HIPK2: variants seen among roughly 807,000 people sequenced by gnomAD.
HIPK2 encodes the protein homeodomain-interacting protein kinase 2.
HIPK2 carries 27 observed loss-of-function variants against 113.7 expected under a neutral mutation model. The observed-to-expected ratio is 0.24, with a 90% CI of 0.17 to 0.33. The LOEUF is 0.33. Among genes scored for constraint, HIPK2 ranks in the 10% least tolerant of loss-of-function variants. The probability of loss-of-function intolerance (pLI) is 1.00; values close to 1 mark genes in which losing one functional copy is unlikely to be tolerated. For missense variants in HIPK2, 1,257 were observed against 1,588.0 expected (o/e 0.79, Z 3.54); for synonymous variants, 631 against 642.2 (o/e 0.98, Z 0.26).
chr7:139,755,846 G>A (rs766722602), intron 1 of HIPK2, among the ~76,000 whole-genome samples: 2 of 152,202 alleles, frequency 1.3e-5, no homozygotes, highest in African/African-American at 4.8e-5. Context: ...CCATTGATTC[G>A]AGTTGCACCA....
In HIPK2 at chr7:139,569,184, G is replaced by C. The variant is rs543530892; in HGVS notation, c.*3743C>G. The C allele has an allele frequency of 3.3e-5, 5 of 152,372 alleles. No individual in the cohort carries two copies. In the East Asian group the frequency reaches 9.7e-4, roughly 29 times the overall value. The allele number at this position is 152,372 out of a possible 1,614,324, so 9.4% of individuals were successfully genotyped here. A position where few individuals can be genotyped will look rare whatever the true frequency, so the allele number is the denominator to read the frequency against. On this transcript the variant is annotated 3_prime_UTR_variant, in exon 15 of 15. Coordinates refer to ENST00000406875, the MANE Select transcript of HIPK2 (RefSeq NM_022740.5). ...TCCAGCTGGCTAGAATTGGGTGCTGGGGGCATGCATCACAGGGGGAGGGGG... is the reference window on the plus strand; with the variant it reads ...TCCAGCTGGCTAGAATTGGGTGCTGCGGGCATGCATCACAGGGGGAGGGGG...
intron 6 of HIPK2, 21 bp downstream of exon 6, chr7:139,626,580 A>T: frequency 6.2e-7 from 1 of 1,606,854 alleles, no homozygotes; most frequent in African/African-American, 1.3e-5. Context: ...CCTGGTACGA[A>T]GCATCAGGCA....
intron 1 of HIPK2, among the ~76,000 whole-genome samples, chr7:139,729,449 G>C (rs1037412518): frequency 6.6e-6 from 1 of 151,956 alleles, no homozygotes; most frequent in African/African-American, 2.4e-5. Context: ...GTGTGTCTGA[G>C]GCAGAACCTA....
intron 1 of HIPK2, among the ~76,000 whole-genome samples, chr7:139,752,084 G>A (rs898847231): frequency 6.6e-6 from 1 of 152,180 alleles, no homozygotes; most frequent in African/African-American, 2.4e-5. Flanking sequence ...AATTGTAACT[G>A]CTCTCAGGCC....
At chr7:139,770,685 G>A (rs921406825) in intron 1 of HIPK2, among the ~76,000 whole-genome samples, 1 of 152,184 alleles carries the variant, frequency 6.6e-6, no homozygotes, top group African/African-American at 2.4e-5. Context: ...ATATTAGGCT[G>A]CATTCTTTTT....
chr7:139,663,959 T>A (rs1438506477), intron 2 of HIPK2, among the ~76,000 whole-genome samples: 1 of 152,152 alleles, frequency 6.6e-6, no homozygotes, highest in Admixed American at 6.5e-5. Flanking sequence ...ACATACAGGG[T>A]GACCAGGGAT....
intron 1 of HIPK2, among the ~76,000 whole-genome samples, chr7:139,730,216 C>T (rs980115648): frequency 6.6e-6 from 1 of 152,148 alleles, no homozygotes; most frequent in African/African-American, 2.4e-5. Flanking sequence ...CACCCATTTC[C>T]GGCCCAGTCC....
chr7:139,724,577 A>G (rs1219085945), intron 1 of HIPK2, among the ~76,000 whole-genome samples: 1 of 151,958 alleles, frequency 6.6e-6, no homozygotes, highest in Non-Finnish European at 1.5e-5. Flanking sequence ...CATGTGCACA[A>G]TGTGCAGGTT....
At chr7:139,674,372 C>T (rs1379144933) in intron 2 of HIPK2, among the ~76,000 whole-genome samples, 1 of 152,128 alleles carries the variant, frequency 6.6e-6, no homozygotes, top group Non-Finnish European at 1.5e-5. Flanking sequence ...AAATGCTAAG[C>T]CGTATGGTAT....
In HIPK2 at chr7:139,658,839, TGC is replaced by T. The variant is rs74594417; in HGVS notation, c.1104-27116_1104-27115del. 1.8e-3 allele frequency among the ~76,000 whole-genome samples: 272 copies of T among 152,376 alleles called. 1 individual carries two copies. Among genetic ancestry groups the T allele is most frequent in the South Asian group, 3.5e-3 (17 of 4,830 alleles). ...TATTGGAAGGCCAGTTCTGGGTCAC[TGC>T]ACTACTAGTCTTTCTCAACCAGGGT... On this transcript the variant is annotated intron_variant, in intron 2 of 14. Coordinates refer to ENST00000406875, the MANE Select transcript of HIPK2 (RefSeq NM_022740.5).
intron 2 of HIPK2, among the ~76,000 whole-genome samples, chr7:139,681,442 G>A (rs1802696542): frequency 6.6e-6 from 1 of 152,074 alleles, no homozygotes; most frequent in Non-Finnish European, 1.5e-5. Context: ...ACATTTAAAT[G>A]GAAGCACAAA....
chr7:139,582,958 G>A (rs1441878278), intron 13 of HIPK2, among the ~76,000 whole-genome samples: 5 of 152,210 alleles, frequency 3.3e-5, no homozygotes, highest in Admixed American at 1.3e-4. Flanking sequence ...TTCCTGTAGC[G>A]ACCTCAGGTG....
chr7:139,562,683 G>A lies in HIPK2; in HGVS notation c.*10244C>T, dbSNP rs1283883054. 6.6e-6 allele frequency: 1 copy of A among 152,274 alleles called. No individual in the cohort carries two copies. The highest frequency in any genetic ancestry group is 1.5e-5 in the Non-Finnish European group (1 of 68,082). 9.4% of individuals were successfully genotyped at this position (152,274 alleles called of 1,614,324 possible). ...TACAGGGCCTGCTGGCTCTGCCGTG[G>A]TGAGGTGGATGACAAGGGCCCGGCG... On this transcript the variant is annotated 3_prime_UTR_variant, in exon 15 of 15. Coordinates refer to ENST00000406875, the MANE Select transcript of HIPK2 (RefSeq NM_022740.5).
chr7:139,579,785 G>T (rs1003470604), intron 13 of HIPK2, among the ~76,000 whole-genome samples: 3 of 152,174 alleles, frequency 2.0e-5, no homozygotes, highest in Non-Finnish European at 4.4e-5. Context: ...GTGCTATTCA[G>T]AGGCCGCAAA....
At chr7:139,641,699 C>T (rs1801030597) in intron 2 of HIPK2, among the ~76,000 whole-genome samples, 1 of 152,176 alleles carries the variant, frequency 6.6e-6, no homozygotes, top group Admixed American at 6.5e-5. Flanking sequence ...TCGGCGGCAA[C>T]AAGGGCTGGG....
intron 2 of HIPK2, among the ~76,000 whole-genome samples, chr7:139,660,297 TTG>T (rs1227456007): frequency 5.5e-4 from 84 of 151,380 alleles, no homozygotes; most frequent in Non-Finnish European, 1.1e-3. Context: ...CAATTTTTTG[TTG>T]TTGTTGTTGT....
At chr7:139,587,499 A>C (rs1798876187) in intron 12 of HIPK2, among the ~76,000 whole-genome samples, 1 of 151,086 alleles carries the variant, frequency 6.6e-6, no homozygotes, top group Admixed American at 6.6e-5. Flanking sequence ...AAAAAAAAAA[A>C]AAAAAAAAAA....
At chr7:139,581,601 G>A (rs995360409) in intron 13 of HIPK2, among the ~76,000 whole-genome samples, 12 of 152,230 alleles carry the variant, frequency 7.9e-5, no homozygotes, top group Non-Finnish European at 1.5e-5. Context: ...AGGGCTGGGG[G>A]AGCGCTGAAC....
rs146113098 is a variant in HIPK2 at position 139,577,415 on chromosome 7, G to A, written c.2966-2127C>T. ...ATCCACCTGCCCTTGGCCTCCCAAA[G>A]TGCTGGGATTACAGGCGTGAGCCAC... On this transcript the variant is annotated intron_variant, in intron 13 of 14. Transcript: ENST00000406875. Among the ~76,000 whole-genome samples the A allele has an allele frequency of 9.2e-5, 14 of 152,200 alleles. No individual in the cohort carries two copies. In the East Asian group the frequency reaches 2.7e-3, roughly 29 times the overall value.
Sources: gnomAD v4.1 joint callset for allele counts (sites outside exome capture counted in the v4.1 genomes callset) on GRCh38, gnomAD v4.1.1 for gene constraint, MANE v1.5 for transcripts, NCBI Gene and HGNC (gene_info 2026-07-23, HGNC 2026-07-21) for gene names.